PLAGL1: variants seen among roughly 807,000 people sequenced by gnomAD.
PLAGL1 encodes the protein PLAG1 like zinc finger 1.
In PLAGL1, 1 loss-of-function variant was observed where a neutral mutation model predicts 4.6. That is an observed-to-expected ratio of 0.22 (90% CI 0.08 to 1.03). PLAGL1 has a LOEUF of 1.03. Among genes scored for constraint, PLAGL1 ranks in the 50% least tolerant of loss-of-function variants. PLAGL1 has a pLI of 0.58. For missense variants in PLAGL1, 464 were observed against 570.4 expected, an observed-to-expected ratio of 0.81 and a Z score of 1.90; for synonymous variants, 240 against 237.8, an observed-to-expected ratio of 1.01 and a Z score of -0.08.
At chr6:143,981,794 A>G (rs559243599) in intron 2 of PLAGL1, among the ~76,000 whole-genome samples, 1 of 152,266 alleles carries the variant, frequency 6.6e-6, no homozygotes, top group African/African-American at 2.4e-5. Flanking sequence ...TTTACAATAA[A>G]TTGTCCCAGC....
Position 143,994,309 on chromosome 6 carries a change from T to C in PLAGL1, c.-583-9135A>G, listed in dbSNP as rs545509785. ...AGGAATTTTCCTATATATTGTAAAT[T>C]TTAAGACTTCACAGTGCATGGGATG... On this transcript the variant is annotated intron_variant, in intron 1 of 7. Coordinates refer to ENST00000674357, the MANE Select transcript of PLAGL1 (RefSeq NM_001317162.2). This position sits in a 1 kb window ranked among gnomAD's most constrained non-coding sequence, Gnocchi z 4.3. Among the ~76,000 whole-genome samples, 6 of 152,336 alleles carry C rather than the reference T, an allele frequency of 3.9e-5. No homozygotes were observed. The South Asian group carries it at 1.2e-3, about 32-fold the overall frequency.
At chr6:144,001,403 T>C (rs1244441286) in intron 1 of PLAGL1, among the ~76,000 whole-genome samples, 2 of 152,156 alleles carry the variant, frequency 1.3e-5, no homozygotes, top group African/African-American at 2.4e-5. Context: ...GAAGAATTTC[T>C]ATTAATAAAT....
At chr6:144,057,365 G>C (rs1799050076) in intron 1 of PLAGL1, among the ~76,000 whole-genome samples, 1 of 152,176 alleles carries the variant, frequency 6.6e-6, no homozygotes, top group Admixed American at 6.5e-5. Context: ...TTATAAATAT[G>C]TTGCTCTGTA....
At chr6:144,046,264 G>T (rs1241044079) in intron 1 of PLAGL1, among the ~76,000 whole-genome samples, 1 of 152,140 alleles carries the variant, frequency 6.6e-6, no homozygotes, top group Non-Finnish European at 1.5e-5. Flanking sequence ...GAGAAAAGGT[G>T]CTCTGGTTTT....
chr6:144,045,517 C>T (rs542830299), intron 1 of PLAGL1, among the ~76,000 whole-genome samples: 2 of 152,198 alleles, frequency 1.3e-5, no homozygotes, highest in East Asian at 3.8e-4. Context: ...ATATTGGCCC[C>T]TGCTCTCTTC....
At position 143,942,720 on chromosome 6, in the gene PLAGL1, G is replaced by T; in HGVS notation, c.153-57C>A. ...GAGTTGTTTTAAGAGCTGAAGAAAGGTGTAGCAACAATATTATATCAAAAT... is the reference window on the plus strand; with the variant it reads ...GAGTTGTTTTAAGAGCTGAAGAAAGTTGTAGCAACAATATTATATCAAAAT... On this transcript the variant is annotated intron_variant, in intron 7 of 7. Coordinates refer to ENST00000674357, the MANE Select transcript of PLAGL1 (RefSeq NM_001317162.2). This position sits in a 1 kb window ranked among gnomAD's most constrained non-coding sequence, Gnocchi z 7.6. The T allele has an allele frequency of 7.8e-7, 1 of 1,278,914 alleles. No homozygotes were observed. Among genetic ancestry groups the T allele is most frequent in the Non-Finnish European group, 1.1e-6 (1 of 914,498 alleles). The allele number at this position is 1,278,914 out of a possible 1,614,324, so 79.2% of individuals were successfully genotyped here. A position where few individuals can be genotyped will look rare whatever the true frequency, so the allele number is the denominator to read the frequency against.
At chr6:143,987,437 C>CTTTTTTGTTTTT (rs1789459458) in intron 1 of PLAGL1, among the ~76,000 whole-genome samples, 1 of 73,940 alleles carries the variant, frequency 1.4e-5, no homozygotes, top group African/African-American at 5.2e-5. Flanking sequence ...ACCACACTGG[C>CTTTTTTGTTTTT]TTTTTTTTTT....
Position 143,985,982 on chromosome 6 carries a change from T to TTATATATA in PLAGL1, c.-583-816_-583-809dup, listed in dbSNP as rs55768066. Among the ~76,000 whole-genome samples, 6,176 of 111,172 alleles carry TTATATATA rather than the reference T, an allele frequency of 0.056. 401 individuals carry two copies. The highest frequency in any genetic ancestry group is 0.072 in the Non-Finnish European group (3,980 of 55,144). The allele number at this position is 111,172 out of a possible 152,430, so 72.9% of individuals were successfully genotyped here. ...TATATCAAATTATATATATATAAAATTATATATATATATATATATATATAT... is the reference window on the plus strand; with the variant it reads ...TATATCAAATTATATATATATAAAATTATATATATATATATATATATATATATATATAT... On this transcript the variant is annotated intron_variant, in intron 1 of 7. Coordinates refer to ENST00000674357, the MANE Select transcript of PLAGL1 (RefSeq NM_001317162.2). The surrounding 1 kb of genome is among the most constrained non-coding windows in gnomAD (Gnocchi z 4.4).
chr6:143,965,935 C>G lies in PLAGL1; in HGVS notation c.-431+223G>C, dbSNP rs1197704287. ...GGGAGGGATGCTAGAGAATGGAGAA[C>G]GAGTTCACTCTATTGGCCCAAACTC... is the stretch of plus-strand genomic sequence containing the variant. On this transcript the variant is annotated intron_variant, in intron 4 of 7. Transcript: ENST00000674357. This position sits in a 1 kb window ranked among gnomAD's most constrained non-coding sequence, Gnocchi z 7.5. The G allele has an allele frequency of 6.6e-6, 1 of 152,232 alleles. No homozygotes were observed. The highest frequency in any genetic ancestry group is 2.4e-5 in the African/African-American group (1 of 41,444). The allele number at this position is 152,232 out of a possible 1,614,324, so 9.4% of individuals were successfully genotyped here.
In PLAGL1 at chr6:143,955,954, A is replaced by T. The variant is rs1227061000; in HGVS notation, c.-325+4515T>A. Among the ~76,000 whole-genome samples, 1 of 152,144 alleles carries T rather than the reference A, an allele frequency of 6.6e-6. No individual in the cohort carries two copies. The highest frequency in any genetic ancestry group is 6.5e-5 in the Admixed American group (1 of 15,284). The stretch of plus-strand genomic sequence containing the variant: ...GTTTTCTTCTGCATCCCAGAAGAAA[A>T]ACTCAGCAAAAAATAAGCGTTAGGA... On this transcript the variant is annotated intron_variant, in intron 6 of 7. Transcript: ENST00000674357. The surrounding 1 kb of genome is among the most constrained non-coding windows in gnomAD (Gnocchi z 4.9).
Position 144,059,992 on chromosome 6 carries a change from G to A in PLAGL1, c.-151+4476C>T, listed in dbSNP as rs1222278692. 2.0e-5 allele frequency among the ~76,000 whole-genome samples: 3 copies of A among 152,018 alleles called. No individual in the cohort carries two copies. Among genetic ancestry groups the A allele is most frequent in the South Asian group, 2.1e-4 (1 of 4,826 alleles). ...GAGCAAGTCCTCCTTACTCCTCCAC[G>A]AAGCTTTCTCAAATTTTATGAGAAC... On this transcript the variant is annotated intron_variant, in intron 1 of 3. Transcript: ENST00000437412. The surrounding 1 kb of genome is among the most constrained non-coding windows in gnomAD (Gnocchi z 4.9).
rs1401409199 is a variant in PLAGL1 at position 143,960,503 on chromosome 6, G to A, written c.-359C>T. 1 of 152,198 alleles carries A rather than the reference G, an allele frequency of 6.6e-6. No homozygotes were observed. The allele number at this position is 152,198 out of a possible 1,614,324, so 9.4% of individuals were successfully genotyped here. A position where few individuals can be genotyped will look rare whatever the true frequency, so the allele number is the denominator to read the frequency against. ...GACAGGGAACATCTGCTGCGAGGCA[G>A]GGACCGAGTCCTCCCAGAAGTTTGT... On this transcript the variant is annotated 5_prime_UTR_variant, in exon 6 of 8. Transcript: ENST00000674357. This position sits in a 1 kb window ranked among gnomAD's most constrained non-coding sequence, Gnocchi z 5.7.
chr6:143,985,962 CAAATTATATATATATA>C lies in PLAGL1; in HGVS notation c.-583-804_-583-789del, dbSNP rs1788965177. Among the ~76,000 whole-genome samples the C allele has an allele frequency of 9.4e-6, 1 of 106,610 alleles. No individual in the cohort carries two copies. The highest frequency in any genetic ancestry group is 3.2e-5 in the African/African-American group (1 of 31,670). The allele number at this position is 106,610 out of a possible 152,430, so 69.9% of individuals were successfully genotyped here. A position where few individuals can be genotyped will look rare whatever the true frequency, so the allele number is the denominator to read the frequency against. On this transcript the variant is annotated intron_variant, in intron 1 of 7. Coordinates refer to ENST00000674357, the MANE Select transcript of PLAGL1 (RefSeq NM_001317162.2). The surrounding 1 kb of genome is among the most constrained non-coding windows in gnomAD (Gnocchi z 4.4). ...AAAAGATATATATACACATATATAT[CAAATTATATATATATA>C]AAATTATATATATATATATATATAT...
rs185096549 is a variant in PLAGL1 at position 143,979,220 on chromosome 6, G to A, written c.-544+5915C>T. Among the ~76,000 whole-genome samples the A allele has an allele frequency of 2.1e-4, 32 of 152,140 alleles. No individual in the cohort carries two copies. The East Asian group carries it at 5.4e-3, about 26-fold the overall frequency. On this transcript the variant is annotated intron_variant, in intron 2 of 7. Transcript: ENST00000674357. The surrounding 1 kb of genome is among the most constrained non-coding windows in gnomAD (Gnocchi z 4.6). The stretch of plus-strand genomic sequence containing the variant: ...GCAGCATATAGTTAGTTCTCAAAGC[G>A]TTTTGTATGTATTAAATCTGACTGT...
intron 1 of PLAGL1, among the ~76,000 whole-genome samples, chr6:144,001,188 T>A (rs1035600557): frequency 2.6e-4 from 39 of 148,518 alleles, no homozygotes; most frequent in Non-Finnish European, 4.0e-4. Flanking sequence ...AAAAAAAAAA[T>A]AAAAATTTTT....
chr6:144,041,983 T>C (rs1797773989), intron 1 of PLAGL1, among the ~76,000 whole-genome samples: 2 of 152,238 alleles, frequency 1.3e-5, no homozygotes, highest in South Asian at 4.1e-4. Flanking sequence ...AATGTCTTCT[T>C]TTGAGAAGTA....
chr6:143,981,075 A>G (rs1435336389), intron 2 of PLAGL1, among the ~76,000 whole-genome samples: 1 of 152,224 alleles, frequency 6.6e-6, no homozygotes, highest in African/African-American at 2.4e-5. Flanking sequence ...AATATTTTCC[A>G]TCTGGCCCTT....
At chr6:143,999,760 TA>T (rs1182027703) in intron 1 of PLAGL1, among the ~76,000 whole-genome samples, 9 of 152,232 alleles carry the variant, frequency 5.9e-5, no homozygotes, top group Admixed American at 5.2e-4. Flanking sequence ...TGTGTAAGGT[TA>T]CTTTCGAGTG....
rs185722664 is a variant in PLAGL1, at chr6:143,954,308, G to A, written c.-324-5848C>T. On this transcript the variant is annotated intron_variant, in intron 6 of 7. Transcript: ENST00000674357. The surrounding 1 kb of genome is among the most constrained non-coding windows in gnomAD (Gnocchi z 5.1). Reference sequence around the variant, plus strand: ...AAGTAACGGGGAAAAAAAGACTACGGGGGGAAGGAAACTTCAAAAATAATA... The same window carrying A: ...AAGTAACGGGGAAAAAAAGACTACGAGGGGAAGGAAACTTCAAAAATAATA... 1.3e-5 allele frequency among the ~76,000 whole-genome samples: 2 copies of A among 152,260 alleles called. No homozygotes were observed. Among genetic ancestry groups the A allele is most frequent in the Admixed American group, 1.3e-4 (2 of 15,300 alleles).
Sources: allele counts gnomAD v4.1 joint callset (sites outside exome capture counted in the v4.1 genomes callset), GRCh38; gene constraint gnomAD v4.1.1; non-coding constraint Gnocchi (gnomAD v3.1); transcripts MANE v1.5; gene names NCBI Gene and HGNC (gene_info 2026-07-23, HGNC 2026-07-21).